PHACTR2: variants seen among roughly 807,000 people sequenced by gnomAD.
The protein encoded by PHACTR2 is chromosome 6 open reading frame 56.
In PHACTR2, 30 loss-of-function variants were observed where a neutral mutation model predicts 76.0. The ratio of observed to expected loss-of-function variants is 0.39; its 90% CI spans 0.30 to 0.54. PHACTR2 has a LOEUF of 0.54. Among genes scored for constraint, PHACTR2 ranks in the 20% least tolerant of loss-of-function variants. The pLI is 0.61. For missense variants in PHACTR2, 696 were observed against 781.1 expected, an observed-to-expected ratio of 0.89 and a Z score of 1.30; for synonymous variants, 292 against 292.5, an observed-to-expected ratio of 1.00 and a Z score of 0.02.
intron 1 of PHACTR2, among the ~76,000 whole-genome samples, chr6:143,690,901 T>C (rs1431531809): frequency 6.6e-6 from 1 of 152,258 alleles, no homozygotes; most frequent in Non-Finnish European, 1.5e-5. Context: ...TGTATTTTTC[T>C]GTGTTTTTAT....
chr6:143,731,176 T>C lies in PHACTR2; in HGVS notation c.215-17809T>C, dbSNP rs190314437. On this transcript the variant is annotated intron_variant, in intron 2 of 12. Coordinates refer to ENST00000440869, the MANE Select transcript of PHACTR2 (RefSeq NM_001100164.2). This position sits in a 1 kb window ranked among gnomAD's most constrained non-coding sequence, Gnocchi z 4.9. The stretch of plus-strand genomic sequence containing the variant: ...ACGCATTTTTCTGGATCAATTGATA[T>C]GGTCATTTCAGTTTTTTTCTTTAGA... Among the ~76,000 whole-genome samples, 2 of 152,372 alleles carry C rather than the reference T, an allele frequency of 1.3e-5. No individual in the cohort carries two copies. The highest frequency in any genetic ancestry group is 2.9e-5 in the Non-Finnish European group (2 of 68,038).
intron 1 of PHACTR2, among the ~76,000 whole-genome samples, chr6:143,685,854 G>A (rs903210239): frequency 2.6e-5 from 4 of 152,210 alleles, no homozygotes; most frequent in African/African-American, 4.8e-5. Flanking sequence ...CACTTAGGCC[G>A]GGCGTGGTGG....
chr6:143,572,696 G>C (rs1425835601), intron 1 of PHACTR2, among the ~76,000 whole-genome samples: 2 of 152,118 alleles, frequency 1.3e-5, no homozygotes, highest in Non-Finnish European at 2.9e-5. Context: ...GGGATTACAG[G>C]CACATGCCAC....
chr6:143,788,627 C>A, intron 10 of PHACTR2, 146 bp from the exon 11 acceptor site: 1 of 524,804 alleles, frequency 1.9e-6, no homozygotes, highest in East Asian at 2.9e-5. Flanking sequence ...TTAGAAATTC[C>A]CAAGATGCTG....
intron 11 of PHACTR2, among the ~76,000 whole-genome samples, chr6:143,805,526 T>C (rs963572960): frequency 6.7e-6 from 1 of 150,336 alleles, no homozygotes; most frequent in Non-Finnish European, 1.5e-5. Context: ...GAACGTTTTA[T>C]AGATGTTAAT....
upstream of PHACTR2, among the ~76,000 whole-genome samples, chr6:143,677,742 A>T (rs1200214996): frequency 6.6e-6 from 1 of 152,216 alleles, no homozygotes; most frequent in Admixed American, 6.5e-5. Context: ...CGTAAGGATC[A>T]TTTGACTTTG....
upstream of PHACTR2, among the ~76,000 whole-genome samples, chr6:143,676,163 A>T (rs1443880043): frequency 1.3e-5 from 2 of 152,196 alleles, no homozygotes; most frequent in Non-Finnish European, 1.5e-5. This position sits in a 1 kb window ranked among gnomAD's most constrained non-coding sequence, Gnocchi z 4.8. Flanking sequence ...AAAATTGCAT[A>T]ACCTGGTTAG....
At chr6:143,650,069 A>G (rs1162189208) in intron 1 of PHACTR2, among the ~76,000 whole-genome samples, 3 of 152,236 alleles carry the variant, frequency 2.0e-5, no homozygotes, top group African/African-American at 7.2e-5. Context: ...GAGCCAAATC[A>G]TGAATGAACT....
At chr6:143,560,264 G>A (rs1179371919) in intron 1 of PHACTR2, among the ~76,000 whole-genome samples, 2 of 152,212 alleles carry the variant, frequency 1.3e-5, no homozygotes, top group East Asian at 1.9e-4. Flanking sequence ...AAAGTGTCTT[G>A]TAGAATTTCT....
chr6:143,593,523 T>C (rs978993145), intron 1 of PHACTR2, among the ~76,000 whole-genome samples: 5 of 152,202 alleles, frequency 3.3e-5, no homozygotes, highest in Non-Finnish European at 7.3e-5. Context: ...AGATACATAT[T>C]CTTTTCATAT....
rs1049703605 is a variant in PHACTR2, at chr6:143,824,330, T to G, written c.*641T>G. 2 of 152,660 alleles carry G rather than the reference T, an allele frequency of 1.3e-5. No homozygotes were observed. Among genetic ancestry groups the G allele is most frequent in the African/African-American group, 4.8e-5 (2 of 41,468 alleles). The allele number at this position is 152,660 out of a possible 1,614,324, so 9.5% of individuals were successfully genotyped here. On this transcript the variant is annotated 3_prime_UTR_variant, in exon 13 of 13. Transcript: ENST00000440869. The surrounding 1 kb of genome is among the most constrained non-coding windows in gnomAD (Gnocchi z 6.3). ...TGAATCCAGTTGCCAGAAATAAGTCTGAATGTTTTCATGCATCTTTTTCTT... is the reference window on the plus strand; with the variant it reads ...TGAATCCAGTTGCCAGAAATAAGTCGGAATGTTTTCATGCATCTTTTTCTT...
Position 143,795,312 on chromosome 6 carries a change from G to T in PHACTR2, c.1845+6402G>T, listed in dbSNP as rs1272761880. ...CCATGTATTCCTACCTACTTGGAAG[G>T]CTGAGGCAGGAGGATCCCTTGAGTC... is the stretch of plus-strand genomic sequence containing the variant. On this transcript the variant is annotated intron_variant, in intron 11 of 12. Coordinates refer to ENST00000440869, the MANE Select transcript of PHACTR2 (RefSeq NM_001100164.2). This position sits in a 1 kb window ranked among gnomAD's most constrained non-coding sequence, Gnocchi z 4.8. 1.3e-5 allele frequency among the ~76,000 whole-genome samples: 2 copies of T among 152,168 alleles called. No individual in the cohort carries two copies.
chr6:143,752,127 A>G (rs1779195591), intron 3 of PHACTR2, among the ~76,000 whole-genome samples: 2 of 152,172 alleles, frequency 1.3e-5, no homozygotes. Flanking sequence ...TCTAAATTTA[A>G]TAAATCAGTT....
chr6:143,785,825 C>T lies in PHACTR2; in HGVS notation c.1707+2545C>T, dbSNP rs1295178327. Among the ~76,000 whole-genome samples, 4 of 152,224 alleles carry T rather than the reference C, an allele frequency of 2.6e-5. No homozygotes were observed. In the South Asian group the frequency reaches 6.2e-4, roughly 24 times the overall value. ...GTTCTACATTTGCCCCTTTCAGCCACAGCTGGAGTGGCTGGGGCACAGGGC... is the reference window on the plus strand; with the variant it reads ...GTTCTACATTTGCCCCTTTCAGCCATAGCTGGAGTGGCTGGGGCACAGGGC... On this transcript the variant is annotated intron_variant, in intron 10 of 12. Coordinates refer to ENST00000440869, the MANE Select transcript of PHACTR2 (RefSeq NM_001100164.2).
At chr6:143,666,969 T>G (rs905925104) in intron 1 of PHACTR2, among the ~76,000 whole-genome samples, 4 of 152,218 alleles carry the variant, frequency 2.6e-5, no homozygotes, top group Non-Finnish European at 2.9e-5. Flanking sequence ...ATGTCCTGAA[T>G]GGTATTGCCG....
chr6:143,818,744 G>C lies in PHACTR2; in HGVS notation c.1923-4930G>C, dbSNP rs1205110611. ...ATCTCGTGAGTACTCACTGTCACGA[G>C]AACAGCATGGGGGAAACCACTCGCC... On this transcript the variant is annotated intron_variant, in intron 12 of 12. Coordinates refer to ENST00000440869, the MANE Select transcript of PHACTR2 (RefSeq NM_001100164.2). This position sits in a 1 kb window ranked among gnomAD's most constrained non-coding sequence, Gnocchi z 4.9. 2.0e-5 allele frequency among the ~76,000 whole-genome samples: 3 copies of C among 152,108 alleles called. No homozygotes were observed. The East Asian group carries it at 5.8e-4, about 29-fold the overall frequency.
At chr6:143,538,920 A>G (rs903950340) in intron 1 of PHACTR2, among the ~76,000 whole-genome samples, 2 of 152,226 alleles carry the variant, frequency 1.3e-5, no homozygotes, top group Non-Finnish European at 2.9e-5. Context: ...GAATGTTTTT[A>G]ACCACCTGCT....
chr6:143,593,640 A>G (rs1228805741), intron 1 of PHACTR2, among the ~76,000 whole-genome samples: 1 of 152,210 alleles, frequency 6.6e-6, no homozygotes, highest in African/African-American at 2.4e-5. Context: ...AGTTCTTCAT[A>G]ATTTTGTTTA....
At position 143,616,953 on chromosome 6, in the gene PHACTR2, T is replaced by C. The variant is rs1471756848; in HGVS notation, c.13+8631T>C. Among the ~76,000 whole-genome samples the C allele has an allele frequency of 6.6e-6, 1 of 152,120 alleles. No individual in the cohort carries two copies. The highest frequency in any genetic ancestry group is 6.5e-5 in the Admixed American group (1 of 15,278). On this transcript the variant is annotated intron_variant, in intron 1 of 11. Transcript: ENST00000305766. The surrounding 1 kb of genome is among the most constrained non-coding windows in gnomAD (Gnocchi z 4.9). ...ATGTCTGAGCAACAAGGCCAGTGTG[T>C]CTGGGGCCTGATGAGAGGTAGGGGC...
Sources: allele counts gnomAD v4.1 joint callset (sites outside exome capture counted in the v4.1 genomes callset), GRCh38; gene constraint gnomAD v4.1.1; non-coding constraint Gnocchi (gnomAD v3.1); transcripts MANE v1.5; gene names NCBI Gene and HGNC (gene_info 2026-07-23, HGNC 2026-07-21).